GPATCH2: variants seen among roughly 807,000 people sequenced by gnomAD.
GPATCH2 encodes the protein G-patch domain containing 2.
A neutral mutation model predicts 58.0 loss-of-function variants in GPATCH2; 51 were observed. The ratio of observed to expected loss-of-function variants is 0.88; its 90% CI spans 0.70 to 1.11. The LOEUF (loss-of-function observed/expected upper bound fraction) is 1.11. Among genes scored for constraint, GPATCH2 ranks in the 50% most tolerant of loss-of-function variants. GPATCH2 has a pLI of 0.00. For missense variants in GPATCH2, 625 were observed against 652.2 expected, an observed-to-expected ratio of 0.96 and a Z score of 0.45; for synonymous variants, 222 against 218.5, an observed-to-expected ratio of 1.02 and a Z score of -0.14.
Position 217,610,302 on chromosome 1 carries a change from A to T in GPATCH2, c.1098+19T>A. 5 of 1,526,236 alleles carry T rather than the reference A, an allele frequency of 3.3e-6. No individual in the cohort carries two copies. Among genetic ancestry groups the T allele is most frequent in the Non-Finnish European group, 4.5e-6 (5 of 1,102,012 alleles). The allele number at this position is 1,526,236 out of a possible 1,614,324, so 94.5% of individuals were successfully genotyped here. ...AAACATTTCCAAACATGACAATTAC[A>T]CAGAAAAAGTATGCCTACCATTGAA... On this transcript the variant is annotated intron_variant, in intron 5 of 9. Transcript: ENST00000366935.
intron 8 of GPATCH2, among the ~76,000 whole-genome samples, chr1:217,457,135 A>G (rs1441692689): frequency 6.6e-6 from 1 of 152,244 alleles, no homozygotes; most frequent in Non-Finnish European, 1.5e-5. Flanking sequence ...CTCAAAGGCA[A>G]AGTCAAGCTT....
At chr1:217,447,300 G>A (rs1268855890) in intron 9 of GPATCH2, among the ~76,000 whole-genome samples, 2 of 152,116 alleles carry the variant, frequency 1.3e-5, no homozygotes, top group Non-Finnish European at 2.9e-5. Context: ...ATATGCAATA[G>A]GACAATCTTT....
chr1:217,597,676 C>G (rs557742055), intron 5 of GPATCH2, among the ~76,000 whole-genome samples: 1 of 152,266 alleles, frequency 6.6e-6, no homozygotes, highest in Non-Finnish European at 1.5e-5. Context: ...GTCATTCCTA[C>G]AAAGCTCATG....
intron 3 of GPATCH2, among the ~76,000 whole-genome samples, chr1:217,612,163 A>G (rs1186662337): frequency 6.6e-6 from 1 of 152,054 alleles, no homozygotes; most frequent in Non-Finnish European, 1.5e-5. Flanking sequence ...CCTGGACCAC[A>G]GGGCGAGACC....
intron 5 of GPATCH2, among the ~76,000 whole-genome samples, chr1:217,592,369 A>G (rs1421121709): frequency 6.6e-6 from 1 of 151,982 alleles, no homozygotes; most frequent in Non-Finnish European, 1.5e-5. Context: ...TTTTTATTAA[A>G]TTGGTGGGAA....
At chr1:217,625,500 T>C (rs971816604) in intron 1 of GPATCH2, among the ~76,000 whole-genome samples, 2 of 150,768 alleles carry the variant, frequency 1.3e-5, no homozygotes, top group African/African-American at 4.9e-5. Flanking sequence ...AAATAAACAG[T>C]CAACTATTTT....
rs371523685 is a variant in GPATCH2 at position 217,434,953 on chromosome 1, T to C, written c.1367-3588A>G. Among the ~76,000 whole-genome samples the C allele has an allele frequency of 2.1e-4, 32 of 152,168 alleles. No individual in the cohort carries two copies. In the South Asian group the frequency reaches 6.6e-3, roughly 32 times the overall value. ...CATTATCTTGTACTCAGAAGAAAAA[T>C]GAACATTTTATTCTTCAAATGCTAA... On this transcript the variant is annotated intron_variant, in intron 9 of 9. Transcript: ENST00000366935.
At position 217,430,993 on chromosome 1, in the gene GPATCH2, C is replaced by G. The variant is rs940428807; in HGVS notation, c.*152G>C. On this transcript the variant is annotated 3_prime_UTR_variant, in exon 10 of 10. Transcript: ENST00000366935. ...TGAATTGTGATGAAATCCCATTTCTCTCACTATGGCAGGACTGTATGCAGT... is the reference window on the plus strand; with the variant it reads ...TGAATTGTGATGAAATCCCATTTCTGTCACTATGGCAGGACTGTATGCAGT... The G allele has an allele frequency of 2.6e-5, 16 of 624,156 alleles. No homozygotes were observed. The African/African-American group carries it at 2.7e-4, about 11-fold the overall frequency. 38.7% of individuals were successfully genotyped at this position (624,156 alleles called of 1,614,324 possible). A position where few individuals can be genotyped will look rare whatever the true frequency, so the allele number is the denominator to read the frequency against.
chr1:217,471,595 A>G (rs1266762683), intron 8 of GPATCH2, among the ~76,000 whole-genome samples: 1 of 152,204 alleles, frequency 6.6e-6, no homozygotes, highest in Non-Finnish European at 1.5e-5. Context: ...TGTATCATAT[A>G]AAAACAAACG....
chr1:217,492,702 T>A (rs970379946), intron 7 of GPATCH2: 1 of 152,166 alleles, frequency 6.6e-6, no homozygotes, highest in East Asian at 1.9e-4. Context: ...ACCTGTAAAA[T>A]GGAAATAACA....
intron 5 of GPATCH2, among the ~76,000 whole-genome samples, chr1:217,572,483 G>C (rs999105728): frequency 1.3e-5 from 2 of 152,074 alleles, no homozygotes; most frequent in East Asian, 3.9e-4. Context: ...TTCAGGCTTC[G>C]TGGGCACCCT....
Position 217,429,497 on chromosome 1 carries a change from C to T in GPATCH2, c.*1648G>A, listed in dbSNP as rs1262570103. On this transcript the variant is annotated 3_prime_UTR_variant, in exon 10 of 10. Coordinates refer to ENST00000366935, the MANE Select transcript of GPATCH2 (RefSeq NM_018040.5). ...TTTTAGGGGACCACCTGAGAAAGGTCTGTTACGTGCATAAACCTCCTTTAA... is the reference window on the plus strand; with the variant it reads ...TTTTAGGGGACCACCTGAGAAAGGTTTGTTACGTGCATAAACCTCCTTTAA... 6.6e-6 allele frequency: 1 copy of T among 151,990 alleles called. No homozygotes were observed. Among genetic ancestry groups the T allele is most frequent in the Non-Finnish European group, 1.5e-5 (1 of 67,994 alleles). The allele number at this position is 151,990 out of a possible 1,614,324, so 9.4% of individuals were successfully genotyped here.
At position 217,491,711 on chromosome 1, in the gene GPATCH2, T is replaced by C; in HGVS notation, c.1246A>G (p.Lys416Glu). The C allele has an allele frequency of 6.6e-7, 1 of 1,524,538 alleles. No individual in the cohort carries two copies. Among genetic ancestry groups the C allele is most frequent in the South Asian group, 1.2e-5 (1 of 86,260 alleles). 94.4% of individuals were successfully genotyped at this position (1,524,538 alleles called of 1,614,324 possible). A position where few individuals can be genotyped will look rare whatever the true frequency, so the allele number is the denominator to read the frequency against. Residue 416 changes from lysine (K) to glutamate (E), a missense_variant, in exon 8 of 10, where the codon AAG (lysine) becomes GAG (glutamate). Lys to Glu is a moderately conservative substitution (Grantham distance 56, BLOSUM62 1). Transcript: ENST00000366935. Reference sequence around the variant, plus strand: ...GCTGTTCTCACAGAACAATTTTTCTTGTGTCCTCTTTCAGCTCGATTATCT... The same window carrying C: ...GCTGTTCTCACAGAACAATTTTTCTCGTGTCCTCTTTCAGCTCGATTATCT... ...LRDNRAERGH[K>E]KNCSVRTASR...
chr1:217,519,809 T>C (rs766979947), intron 5 of GPATCH2, among the ~76,000 whole-genome samples: 1 of 152,226 alleles, frequency 6.6e-6, no homozygotes, highest in Non-Finnish European at 1.5e-5. Context: ...ACAATTCCAC[T>C]AGTAACCTAA....
chr1:217,621,835 TACAA>T (rs1352595653), intron 1 of GPATCH2, among the ~76,000 whole-genome samples: 2 of 152,374 alleles, frequency 1.3e-5, no homozygotes, highest in African/African-American at 4.8e-5. Flanking sequence ...ATGTGATGCA[TACAA>T]ACAGCTTCTA....
intron 5 of GPATCH2, among the ~76,000 whole-genome samples, chr1:217,565,724 G>A (rs546701478): frequency 6.6e-5 from 10 of 151,496 alleles, no homozygotes; most frequent in East Asian, 2.0e-4. Context: ...TATATTTAAG[G>A]CTTGAAACTT....
rs185077324 is a variant in GPATCH2, at chr1:217,583,720, T to A, written c.1098+26601A>T. On this transcript the variant is annotated intron_variant, in intron 5 of 9. Transcript: ENST00000366935. Reference sequence around the variant, plus strand: ...CATAAAAAAAAGCAGGATAAATAAATTTATGTCTGTATATTGTGGGGAAAC... The same window carrying A: ...CATAAAAAAAAGCAGGATAAATAAAATTATGTCTGTATATTGTGGGGAAAC... 9.3e-4 allele frequency among the ~76,000 whole-genome samples: 142 copies of A among 152,080 alleles called. 1 individual carries two copies. The highest frequency in any genetic ancestry group is 3.2e-3 in the African/African-American group (134 of 41,520).
Position 217,428,455 on chromosome 1 carries a change from T to G in GPATCH2, c.*2690A>C, listed in dbSNP as rs2102513349. 6.6e-6 allele frequency: 1 copy of G among 152,276 alleles called. No individual in the cohort carries two copies. Among genetic ancestry groups the G allele is most frequent in the Middle Eastern group, 3.4e-3 (1 of 294 alleles). 9.4% of individuals were successfully genotyped at this position (152,276 alleles called of 1,614,324 possible). A position where few individuals can be genotyped will look rare whatever the true frequency, so the allele number is the denominator to read the frequency against. On this transcript the variant is annotated 3_prime_UTR_variant, in exon 10 of 10. Coordinates refer to ENST00000366935, the MANE Select transcript of GPATCH2 (RefSeq NM_018040.5). Reference sequence around the variant, plus strand: ...GCTTCAGATGGTGAAAGACATTTGATTTGCACTAAAAAATTCGTATTTTAA... The same window carrying G: ...GCTTCAGATGGTGAAAGACATTTGAGTTGCACTAAAAAATTCGTATTTTAA...
intron 8 of GPATCH2, among the ~76,000 whole-genome samples, chr1:217,477,034 A>G (rs559300494): frequency 6.6e-6 from 1 of 152,166 alleles, no homozygotes; most frequent in East Asian, 1.9e-4. Flanking sequence ...CATCTTGGAT[A>G]CCAGCTGAGC....
Sources: gnomAD v4.1 joint callset for allele counts (sites outside exome capture counted in the v4.1 genomes callset) on GRCh38, gnomAD v4.1.1 for gene constraint, MANE v1.5 for transcripts, NCBI Gene and HGNC (gene_info 2026-07-23, HGNC 2026-07-21) for gene names.